The following LRP1B variants were observed in gnomAD, a reference collection of about 807,000 sequenced individuals.
LRP1B encodes low-density lipoprotein receptor-related protein 1B.
Under a neutral mutation model 556.6 loss-of-function variants are expected in LRP1B, and 217 were observed. The observed-to-expected ratio is 0.39, with a 90% CI of 0.35 to 0.44. The LOEUF is 0.44. LRP1B is among the 20% of genes least tolerant of loss of function. The pLI, the probability that LRP1B is intolerant of heterozygous loss-of-function variation, is 1.00. For missense variants in LRP1B, 5,053 were observed against 5,620.8 expected (o/e 0.90, Z 3.23); for synonymous variants, 2,047 against 1,865.8 (o/e 1.10, Z -2.50).
intron 7 of LRP1B, among the ~76,000 whole-genome samples, chr2:141,142,921 C>CTTTTTTTTTTTT (rs35543111): frequency 9.9e-6 from 1 of 101,434 alleles, no homozygotes; most frequent in Non-Finnish European, 1.8e-5. Context: ...TGTCTGATTA[C>CTTTTTTTTTTTT]TTTTTTTTTT....
chr2:142,006,426 T>C (rs1320888571), intron 1 of LRP1B, among the ~76,000 whole-genome samples: 2 of 152,240 alleles, frequency 1.3e-5, no homozygotes, highest in Non-Finnish European at 2.9e-5. Context: ...ATGAAGCTAA[T>C]AGCACACTAA....
intron 2 of LRP1B, among the ~76,000 whole-genome samples, chr2:141,613,133 C>A (rs1181900434): frequency 1.3e-5 from 2 of 152,024 alleles, no homozygotes; most frequent in African/African-American, 4.8e-5. Context: ...GGGAAGTCTA[C>A]TGCCTTCCTG....
chr2:141,153,365 T>C (rs1701977672), intron 7 of LRP1B, among the ~76,000 whole-genome samples: 1 of 113,440 alleles, frequency 8.8e-6, no homozygotes, highest in South Asian at 2.4e-4. Flanking sequence ...TATATATATT[T>C]ATATATAATA....
intron 3 of LRP1B, among the ~76,000 whole-genome samples, chr2:141,342,071 C>T (rs111518571): frequency 0.098 from 14,891 of 151,278 alleles, 908 homozygotes; most frequent in South Asian, 0.17. Context: ...AATGAAACCC[C>T]GTCTCCACTA....
At chr2:140,571,602 T>C (rs183954472) in intron 43 of LRP1B, among the ~76,000 whole-genome samples, 170 of 142,704 alleles carry the variant, frequency 1.2e-3, no homozygotes, top group African/African-American at 3.7e-3. Context: ...ATAAATTCAA[T>C]GCAATCCCTA....
chr2:141,624,918 C>T (rs1050575845), intron 2 of LRP1B, among the ~76,000 whole-genome samples: 13 of 151,938 alleles, frequency 8.6e-5, no homozygotes, highest in Admixed American at 4.6e-4. Flanking sequence ...TACAGGCGCC[C>T]GCCACCACGC....
intron 37 of LRP1B, among the ~76,000 whole-genome samples, 153 bp from the exon 38 acceptor site, chr2:140,702,706 C>T (rs62174221): frequency 0.011 from 1,724 of 152,060 alleles, 19 homozygotes; most frequent in Non-Finnish European, 0.019. Context: ...CTTATGGTTC[C>T]GATAAAATAA....
At chr2:140,807,130 G>C (rs917267643) in intron 32 of LRP1B, among the ~76,000 whole-genome samples, 1 of 152,104 alleles carries the variant, frequency 6.6e-6, no homozygotes, top group Non-Finnish European at 1.5e-5. Context: ...TCTCCTGCAG[G>C]CATTAGTGAC....
At chr2:141,084,059 A>C (rs1051500989) in intron 7 of LRP1B, among the ~76,000 whole-genome samples, 1 of 152,226 alleles carries the variant, frequency 6.6e-6, no homozygotes, top group Admixed American at 6.5e-5. Flanking sequence ...CAATACTTTT[A>C]TACGGTTGGT....
In LRP1B at chr2:141,159,196, T is replaced by C. The variant is rs112200362; in HGVS notation, c.1013+29225A>G. On this transcript the variant is annotated intron_variant, in intron 7 of 90. Transcript: ENST00000389484. ...ACAACATATTTCTCACATATCACCT[T>C]AGCAAAATCTCATGTTAGTAAACTC... Among the ~76,000 whole-genome samples, 991 of 152,290 alleles carry C rather than the reference T, an allele frequency of 6.5e-3. 15 individuals are homozygous for C. The highest frequency in any genetic ancestry group is 0.022 in the African/African-American group (935 of 41,560).
intron 67 of LRP1B, among the ~76,000 whole-genome samples, chr2:140,380,552 A>C (rs1409328068): frequency 6.6e-6 from 1 of 152,168 alleles, no homozygotes; most frequent in African/African-American, 2.4e-5. Flanking sequence ...AACAGCCCAA[A>C]ATTTTTTCAT....
chr2:141,343,470 C>T (rs555083662), intron 3 of LRP1B, among the ~76,000 whole-genome samples: 5 of 152,214 alleles, frequency 3.3e-5, no homozygotes, highest in South Asian at 2.1e-4. Context: ...ATGTGATTCA[C>T]GCTTTTGTGT....
chr2:141,587,357 A>G (rs1687178668), intron 2 of LRP1B, among the ~76,000 whole-genome samples: 1 of 152,218 alleles, frequency 6.6e-6, no homozygotes, highest in African/African-American at 2.4e-5. Flanking sequence ...TTGGGAGCTG[A>G]CCTGGCATTA....
intron 1 of LRP1B, among the ~76,000 whole-genome samples, chr2:142,020,976 C>T (rs895125411): frequency 6.6e-6 from 1 of 152,200 alleles, no homozygotes; most frequent in Non-Finnish European, 1.5e-5. Flanking sequence ...CCATGAATGA[C>T]AGTAAGTACA....
chr2:141,066,525 A>AT (rs890241518), intron 7 of LRP1B, among the ~76,000 whole-genome samples: 14 of 151,686 alleles, frequency 9.2e-5, no homozygotes, highest in African/African-American at 3.4e-4. Flanking sequence ...TAAAGCATGC[A>AT]TTTTTTTTAG....
intron 24 of LRP1B, 86 bp from the exon 25 acceptor site, chr2:140,884,107 A>AG: frequency 8.4e-7 from 1 of 1,187,270 alleles, no homozygotes; most frequent in East Asian, 2.3e-5. Context: ...TGTGATCAGC[A>AG]GTACAAATTA....
intron 2 of LRP1B, among the ~76,000 whole-genome samples, chr2:141,590,582 T>C (rs1015702805): frequency 1.3e-5 from 2 of 152,088 alleles, no homozygotes; most frequent in African/African-American, 4.8e-5. Context: ...TAAGATGAGC[T>C]ATAAAAGAGT....
intron 1 of LRP1B, among the ~76,000 whole-genome samples, chr2:141,950,295 C>G (rs1401043291): frequency 6.6e-6 from 1 of 151,862 alleles, no homozygotes; most frequent in African/African-American, 2.4e-5. Context: ...TATTTTTAAG[C>G]TGACTTTTTT....
Position 141,926,683 on chromosome 2 carries a change from A to T in LRP1B, c.83-116282T>A, listed in dbSNP as rs74666604. The stretch of plus-strand genomic sequence containing the variant: ...CATATTGCTGTTTATTCTACAGACA[A>T]TTTGAAAATAGGTAGGTAGTGGTGA... On this transcript the variant is annotated intron_variant, in intron 1 of 90. Coordinates refer to ENST00000389484, the MANE Select transcript of LRP1B (RefSeq NM_018557.3). Among the ~76,000 whole-genome samples the T allele has an allele frequency of 4.7e-4, 71 of 152,300 alleles. No individual in the cohort carries two copies. In the East Asian group the frequency reaches 0.013, roughly 29 times the overall value.
Sources: allele counts gnomAD v4.1 joint callset (sites outside exome capture counted in the v4.1 genomes callset), GRCh38; gene constraint gnomAD v4.1.1; transcripts MANE v1.5; gene names NCBI Gene and HGNC (gene_info 2026-07-23, HGNC 2026-07-21).